Variants in TNFRSF14 observed in about 807,000 individuals in gnomAD.
The protein encoded by TNFRSF14 is TNF receptor superfamily member 14.
In TNFRSF14, 18 loss-of-function variants were observed where a neutral mutation model predicts 34.1. The observed-to-expected ratio is 0.53, with a 90% CI of 0.36 to 0.78. The LOEUF is 0.78. Among genes scored for constraint, TNFRSF14 ranks in the 30% least tolerant of loss-of-function variants. TNFRSF14 has a pLI of 0.00. For synonymous variants in TNFRSF14, 157 were observed against 153.2 expected, an observed-to-expected ratio of 1.02 and a Z score of -0.18; for missense variants, 352 against 379.5, an observed-to-expected ratio of 0.93 and a Z score of 0.60.
chr1:2,558,873 T>C, intron 3 of TNFRSF14: 1 of 1,332,052 alleles, frequency 7.5e-7, no homozygotes, highest in South Asian at 1.3e-5. Context: ...TGTCCCTTTC[T>C]CCTCCAGATA....
At chr1:2,562,292 G>A in intron 6 of TNFRSF14, 1 of 217,590 alleles carries the variant, frequency 4.6e-6, no homozygotes, top group Non-Finnish European at 9.3e-6. Context: ...GGCCTCCTGG[G>A]CACTGACCCC....
Position 2,557,788 on chromosome 1 carries a change from G to C in TNFRSF14, c.132G>C (p.Glu44Asp), listed in dbSNP as rs897671259. ...CYAPALPSCKEDEYPVGSECC... is the reference protein window; with the variant it reads ...CYAPALPSCKDDEYPVGSECC... ...CCCCAGCTCTGCCGTCCTGCAAGGA[G>C]GACGAGTACCCAGTGGGCTCCGAGT... Residue 44 changes from glutamate (E) to aspartate (D), a missense_variant, in exon 2 of 8, where the codon GAG becomes GAC. Glu to Asp is a conservative substitution (Grantham distance 45). Transcript: ENST00000355716. 1.2e-6 allele frequency: 2 copies of C among 1,611,824 alleles called. No individual in the cohort carries two copies. Among genetic ancestry groups the C allele is most frequent in the Non-Finnish European group, 1.7e-6 (2 of 1,179,084 alleles).
chr1:2,561,928 TC>T lies in TNFRSF14; in HGVS notation c.694+116del. 2 of 1,215,512 alleles carry T rather than the reference TC, an allele frequency of 1.6e-6. No individual in the cohort carries two copies. Among genetic ancestry groups the T allele is most frequent in the Non-Finnish European group, 2.3e-6 (2 of 868,216 alleles). The allele number at this position is 1,215,512 out of a possible 1,614,324, so 75.3% of individuals were successfully genotyped here. On this transcript the variant is annotated intron_variant, in intron 6 of 7. Transcript: ENST00000355716. This position sits in a 1 kb window ranked among gnomAD's most constrained non-coding sequence, Gnocchi z 6.0. Reference sequence around the variant, plus strand: ...GAGCTTTTCCAGGATCCGCGGCTCCTCCCAGGGCAGCCACTGCAGGCTGGGG... The same window carrying T: ...GAGCTTTTCCAGGATCCGCGGCTCCTCCAGGGCAGCCACTGCAGGCTGGGG...
chr1:2,562,014 G>C, intron 6 of TNFRSF14, 199 bp downstream of exon 6: 1 of 639,382 alleles, frequency 1.6e-6, no homozygotes. Context: ...TGGGGGAAGG[G>C]AAGGTGGGAC....
chr1:2,559,147 G>C lies in TNFRSF14; in HGVS notation c.305-676G>C, dbSNP rs1644265706. On this transcript the variant is annotated intron_variant, in intron 3 of 7. Coordinates refer to ENST00000355716, the MANE Select transcript of TNFRSF14 (RefSeq NM_003820.4). ...GGGCAGGGCCTGAGCCTACAGGGAG[G>C]CACAGGGCAGGTGGGCTAGCCATGA... 3 of 1,363,374 alleles carry C rather than the reference G, an allele frequency of 2.2e-6. No individual in the cohort carries two copies. The African/African-American group carries it at 4.3e-5, about 20-fold the overall frequency. 84.5% of individuals were successfully genotyped at this position (1,363,374 alleles called of 1,614,324 possible).
In TNFRSF14 at chr1:2,559,927, G is replaced by A. The variant is rs749722476; in HGVS notation, c.409G>A (p.Ala137Thr). The A allele has an allele frequency of 5.0e-6, 8 of 1,598,864 alleles. No homozygotes were observed. The highest frequency in any genetic ancestry group is 2.3e-5 in the East Asian group (1 of 44,190). ...CIVQDGDHCA[A>T]CRAYATSSPG... The stretch of plus-strand genomic sequence containing the variant: ...CGTCCAGGACGGGGACCACTGCGCC[G>A]CGTGCCGCGCTTACGCCACCTCCAG... The change falls in exon 4 of 8, where the codon GCG (alanine) becomes ACG (threonine). Residue 137 changes from alanine (A) to threonine (T), a missense_variant. Coordinates refer to ENST00000355716, the MANE Select transcript of TNFRSF14 (RefSeq NM_003820.4).
At chr1:2,562,561 T>C (rs1644325759) in intron 6 of TNFRSF14, 2 of 558,536 alleles carry the variant, frequency 3.6e-6, no homozygotes, top group Non-Finnish European at 3.2e-6. Context: ...TGTGAAGCGC[T>C]TGTTCCCCTC....
chr1:2,561,640 G>A lies in TNFRSF14; in HGVS notation c.552-33G>A. On this transcript the variant is annotated intron_variant, in intron 5 of 7. Transcript: ENST00000355716. The surrounding 1 kb of genome is among the most constrained non-coding windows in gnomAD (Gnocchi z 6.0). ...TGAGTGAACACTGGGCGCTGCACCT[G>A]CCTCTCCCACGTCCTCGGCCCCACT... 2.5e-6 allele frequency: 4 copies of A among 1,611,734 alleles called. No homozygotes were observed. Among genetic ancestry groups the A allele is most frequent in the Non-Finnish European group, 3.4e-6 (4 of 1,179,334 alleles).
At chr1:2,555,254 GC>G (rs1644197417), upstream of TNFRSF14, 8 of 152,424 alleles carry the variant, frequency 5.2e-5, no homozygotes. The surrounding 1 kb of genome is among the most constrained non-coding windows in gnomAD (Gnocchi z 6.3). Flanking sequence ...GGGACGCTTG[GC>G]CCCACAGGAC....
At chr1:2,556,826 C>A in intron 1 of TNFRSF14, 93 bp downstream of exon 1, 3 of 1,315,866 alleles carry the variant, frequency 2.3e-6, no homozygotes, top group Non-Finnish European at 3.1e-6. Flanking sequence ...CCTGTCCTGG[C>A]CGTTGCTGGC....
At chr1:2,560,472 G>A (rs1206470929) in intron 4 of TNFRSF14, 152 bp from the exon 5 acceptor site, 5 of 609,120 alleles carry the variant, frequency 8.2e-6, no homozygotes, top group Non-Finnish European at 1.5e-5. Context: ...CCACCTCCAA[G>A]ACTCTGGACA....
rs375284026 is a variant in TNFRSF14, at chr1:2,563,373, G to A, written c.*100G>A. 2 of 1,549,966 alleles carry A rather than the reference G, an allele frequency of 1.3e-6. No individual in the cohort carries two copies. The highest frequency in any genetic ancestry group is 1.7e-6 in the Non-Finnish European group (2 of 1,146,490). On this transcript the variant is annotated 3_prime_UTR_variant, in exon 8 of 8. Coordinates refer to ENST00000355716, the MANE Select transcript of TNFRSF14 (RefSeq NM_003820.4). ...ACCACCGGAGCCCGGAGGCTTGGGG[G>A]CTCCGCCCTGGGCTGGCTTCCGTCT... is the stretch of plus-strand genomic sequence containing the variant.
Position 2,560,696 on chromosome 1 carries a change from A to C in TNFRSF14, c.533A>C (p.Glu178Ala), listed in dbSNP as rs747509873. 34 of 1,613,098 alleles carry C rather than the reference A, an allele frequency of 2.1e-5. No individual in the cohort carries two copies. Among genetic ancestry groups the C allele is most frequent in the Non-Finnish European group, 2.7e-5 (32 of 1,179,904 alleles). Residue 178 changes from glutamate (E) to alanine (A), a missense_variant, in exon 5 of 8, where the codon GAA becomes GCA. Glu to Ala is a moderately radical substitution (Grantham distance 107). Coordinates refer to ENST00000355716, the MANE Select transcript of TNFRSF14 (RefSeq NM_003820.4). ...TTCTCTCCCAATGGGACCCTGGAGGAATGTCAGCACCAGACCAAGTAAGTG... is the reference window on the plus strand; with the variant it reads ...TTCTCTCCCAATGGGACCCTGGAGGCATGTCAGCACCAGACCAAGTAAGTG... ...GTFSPNGTLEECQHQTKCSWL... is the reference protein window; with the variant it reads ...GTFSPNGTLEACQHQTKCSWL...
At chr1:2,558,603 A>G (rs1644255165) in intron 3 of TNFRSF14, 135 bp downstream of exon 3, 2 of 1,478,328 alleles carry the variant, frequency 1.4e-6, no homozygotes, top group Non-Finnish European at 1.8e-6. Flanking sequence ...CCCCATCTCC[A>G]TGGATGCACC....
chr1:2,562,677 A>T (rs570596622), intron 6 of TNFRSF14, 188 bp from the exon 7 acceptor site: 6 of 761,302 alleles, frequency 7.9e-6, no homozygotes, highest in Non-Finnish European at 1.4e-5. Context: ...CCTCCTGGGG[A>T]CAGGCTGGGC....
At chr1:2,560,803 A>C in intron 5 of TNFRSF14, 89 bp downstream of exon 5, 1 of 1,279,928 alleles carries the variant, frequency 7.8e-7, no homozygotes, top group Non-Finnish European at 1.1e-6. Context: ...TCTCCAGCAG[A>C]AAGGCTTGAA....
At position 2,556,382 on chromosome 1, in the gene TNFRSF14, T is replaced by G. The variant is rs1453645671; in HGVS notation, c.-283T>G. 1 of 666,876 alleles carries G rather than the reference T, an allele frequency of 1.5e-6. No individual in the cohort carries two copies. The highest frequency in any genetic ancestry group is 2.8e-6 in the Non-Finnish European group (1 of 362,548). The allele number at this position is 666,876 out of a possible 1,614,324, so 41.3% of individuals were successfully genotyped here. ...CGGGCGCCTCCTTCATACCGGCCCT[T>G]CCCCTCGGCTTTGCCTGGACAGCTC... is the stretch of plus-strand genomic sequence containing the variant. On this transcript the variant is annotated 5_prime_UTR_variant, in exon 1 of 8. Transcript: ENST00000355716.
rs1644302772 is a variant in TNFRSF14 at position 2,561,165 on chromosome 1, G to A, written c.551+451G>A. The A allele has an allele frequency of 5.6e-6, 2 of 357,082 alleles. No individual in the cohort carries two copies. Among genetic ancestry groups the A allele is most frequent in the South Asian group, 1.5e-4 (2 of 13,080 alleles). The allele number at this position is 357,082 out of a possible 1,614,324, so 22.1% of individuals were successfully genotyped here. A position where few individuals can be genotyped will look rare whatever the true frequency, so the allele number is the denominator to read the frequency against. Reference sequence around the variant, plus strand: ...TGACCTGAGACTTCAGAGCTTCTTGGGAGGAGCTGGGGTCCCCCAGCGGAG... The same window carrying A: ...TGACCTGAGACTTCAGAGCTTCTTGAGAGGAGCTGGGGTCCCCCAGCGGAG... On this transcript the variant is annotated intron_variant, in intron 5 of 7. Coordinates refer to ENST00000355716, the MANE Select transcript of TNFRSF14 (RefSeq NM_003820.4). The surrounding 1 kb of genome is among the most constrained non-coding windows in gnomAD (Gnocchi z 6.0).
intron 1 of TNFRSF14, among the ~76,000 whole-genome samples, chr1:2,557,268 G>A (rs1410163558): frequency 6.6e-6 from 1 of 152,246 alleles, no homozygotes; most frequent in East Asian, 1.9e-4. Flanking sequence ...GGCCACGGCA[G>A]AGCCACCCTC....
Sources: allele counts gnomAD v4.1 joint callset (sites outside exome capture counted in the v4.1 genomes callset), GRCh38; gene constraint gnomAD v4.1.1; non-coding constraint Gnocchi (gnomAD v3.1); transcripts MANE v1.5; gene names NCBI Gene and HGNC (gene_info 2026-07-23, HGNC 2026-07-21).